The following PHF3 variants were observed in gnomAD, a reference collection of about 807,000 sequenced individuals.
The protein encoded by PHF3 is PHD finger protein 3.
In PHF3, 41 loss-of-function variants were observed where a neutral mutation model predicts 178.4. That is an observed-to-expected ratio of 0.23 (90% CI 0.18 to 0.30). The LOEUF (loss-of-function observed/expected upper bound fraction) is 0.30, where lower values mean the gene tolerates loss of function less well. Ranked by LOEUF, PHF3 falls within the 10% of genes least tolerant of loss-of-function variation. PHF3 has a pLI of 1.00. For synonymous variants in PHF3, 842 were observed against 800.5 expected (o/e 1.05, Z -0.88); for missense variants, 2,346 against 2,398.1 (o/e 0.98, Z 0.45).
At chr6:63,660,285 A>C (rs1220678664) in intron 2 of PHF3, among the ~76,000 whole-genome samples, 2 of 151,970 alleles carry the variant, frequency 1.3e-5, no homozygotes, top group Non-Finnish European at 2.9e-5. Flanking sequence ...GTAGACGTGT[A>C]CTGCAAGCTA....
chr6:63,712,372 G>C lies in PHF3; in HGVS notation c.4784G>C (p.Arg1595Thr), dbSNP rs753440261. 1.2e-6 allele frequency: 2 copies of C among 1,613,812 alleles called. No homozygotes were observed. The highest frequency in any genetic ancestry group is 1.6e-4 in the Middle Eastern group (1 of 6,062). The change falls in exon 16 of 16, where the codon AGA becomes ACA. Residue 1595 changes from arginine (R) to threonine (T), a missense_variant. Around this residue, in one of 8 missense-constraint regions of PHF3, gnomAD observed 839 missense variants for 806.9 expected, o/e 1.04. Transcript: ENST00000262043. The part of the protein sequence containing the change: ...TVESKEKTLK[R>T]QLQEDQENNL... Reference sequence around the variant, plus strand: ...GAGAGTAAAGAGAAAACATTAAAAAGACAGCTTCAGGAAGATCAAGAGAAT... The same window carrying C: ...GAGAGTAAAGAGAAAACATTAAAAACACAGCTTCAGGAAGATCAAGAGAAT...
Position 63,712,840 on chromosome 6 carries a change from T to C in PHF3, c.5252T>C (p.Val1751Ala). ...EDILMQNIET[V>A]HPFRRGSAVA... ...ATTTTAATGCAAAATATTGAAACTGTGCACCCATTTCGAAGAGGATCAGCA... is the reference window on the plus strand; with the variant it reads ...ATTTTAATGCAAAATATTGAAACTGCGCACCCATTTCGAAGAGGATCAGCA... The change falls in exon 16 of 16, where the codon GTG becomes GCG. Residue 1751 changes from valine (V) to alanine (A), a missense_variant. Physicochemically the swap from Val to Ala is moderately conservative, Grantham distance 64 (BLOSUM62 0). This residue lies in a region of PHF3 where 839 missense variants were observed against 806.9 expected (regional missense o/e 1.04). Coordinates refer to ENST00000262043, the MANE Select transcript of PHF3 (RefSeq NM_001370348.2). 6.2e-7 allele frequency: 1 copy of C among 1,614,080 alleles called. No individual in the cohort carries two copies. Among genetic ancestry groups the C allele is most frequent in the African/African-American group, 1.3e-5 (1 of 75,048 alleles).
chr6:63,639,436 G>GTT (rs573560007), intron 1 of PHF3, among the ~76,000 whole-genome samples: 1 of 150,866 alleles, frequency 6.6e-6, no homozygotes, highest in African/African-American at 2.4e-5. Context: ...CTTACATTTT[G>GTT]TTTTTTTTTA....
At chr6:63,679,906 A>G (rs779246050) in intron 2 of PHF3, 94 bp from the exon 3 acceptor site, 27 of 1,008,508 alleles carry the variant, frequency 2.7e-5, no homozygotes, top group Non-Finnish European at 3.5e-5. Context: ...GTAGTGTTAC[A>G]TTAAGACTAT....
Position 63,646,614 on chromosome 6 carries a change from T to A in PHF3, c.63T>A (p.Phe21Leu). ...IPTEHLDDAL[F>L]LGSNLENEVC... ...CTGAACACTTAGATGATGCCCTATT[T>A]CTAGGATCCAACCTGGAGAATGAAG... The change falls in exon 2 of 16, where the codon TTT becomes TTA. Residue 21 changes from phenylalanine (F) to leucine (L), a missense_variant. Phe to Leu is a conservative substitution (Grantham distance 22). Around this residue, in one of 8 missense-constraint regions of PHF3, gnomAD observed 843 missense variants for 795.2 expected, o/e 1.06. Transcript: ENST00000262043. The A allele has an allele frequency of 1.2e-6, 2 of 1,613,852 alleles. 1 individual carries two copies. Among genetic ancestry groups the A allele is most frequent in the South Asian group, 2.2e-5 (2 of 91,082 alleles).
chr6:63,639,436 G>GGT (rs1554145843), intron 1 of PHF3, among the ~76,000 whole-genome samples: 2 of 150,866 alleles, frequency 1.3e-5, no homozygotes, highest in African/African-American at 4.9e-5. Flanking sequence ...CTTACATTTT[G>GGT]TTTTTTTTTA....
chr6:63,686,464 G>T (rs530144566), intron 4 of PHF3: 1 of 152,192 alleles, frequency 6.6e-6, no homozygotes, highest in South Asian at 2.1e-4. Context: ...ACATGAAATA[G>T]AGTGAAAAAC....
intron 3 of PHF3, among the ~76,000 whole-genome samples, chr6:63,683,013 T>A (rs1174926785): frequency 1.3e-5 from 2 of 152,044 alleles, no homozygotes; most frequent in African/African-American, 4.8e-5. Flanking sequence ...TTTAAAAAAA[T>A]TTTATAACTG....
At chr6:63,659,152 A>C (rs1458815984) in intron 2 of PHF3, among the ~76,000 whole-genome samples, 3 of 152,234 alleles carry the variant, frequency 2.0e-5, no homozygotes, top group Non-Finnish European at 4.4e-5. Context: ...ATCTCTCACC[A>C]CAAAAAAGTT....
chr6:63,649,003 A>G (rs1027749389), intron 2 of PHF3, among the ~76,000 whole-genome samples: 8 of 152,244 alleles, frequency 5.3e-5, no homozygotes, highest in South Asian at 2.1e-4. Context: ...ACATTTTCTG[A>G]AAGCAAAATG....
chr6:63,677,319 G>A (rs976884163), intron 2 of PHF3, among the ~76,000 whole-genome samples: 1 of 152,060 alleles, frequency 6.6e-6, no homozygotes, highest in African/African-American at 2.4e-5. Flanking sequence ...GGACTGAACT[G>A]TTGTATCCTT....
intron 2 of PHF3, among the ~76,000 whole-genome samples, chr6:63,647,441 C>T (rs555105197): frequency 6.6e-6 from 1 of 152,084 alleles, no homozygotes; most frequent in East Asian, 1.9e-4. Context: ...ATTTTGAAGA[C>T]TCAGTATGAA....
At chr6:63,640,524 C>T (rs1212164678) in intron 1 of PHF3, among the ~76,000 whole-genome samples, 1 of 152,170 alleles carries the variant, frequency 6.6e-6, no homozygotes, top group Non-Finnish European at 1.5e-5. Flanking sequence ...ATGCCTTGCA[C>T]ACAGTAAATA....
rs569028877 is a variant in PHF3, at chr6:63,709,831, T to C, written c.3801+591T>C. Among the ~76,000 whole-genome samples, 19 of 152,300 alleles carry C rather than the reference T, an allele frequency of 1.2e-4. No homozygotes were observed. The South Asian group carries it at 2.1e-3, about 17-fold the overall frequency. On this transcript the variant is annotated intron_variant, in intron 14 of 15. Transcript: ENST00000262043. ...CCAGCTAAAAGTTAAGGGCTTCTTA[T>C]TAGTAATAGGAGGAAAGGAGAAAAG...
chr6:63,661,809 C>A (rs1264694338), intron 2 of PHF3, among the ~76,000 whole-genome samples: 1 of 152,146 alleles, frequency 6.6e-6, no homozygotes, highest in Admixed American at 6.6e-5. Context: ...TTATTGATCA[C>A]CAGAGCTGGG....
chr6:63,651,893 G>A (rs1020671102), intron 2 of PHF3, among the ~76,000 whole-genome samples: 2 of 152,042 alleles, frequency 1.3e-5, no homozygotes, highest in African/African-American at 4.8e-5. Context: ...CTTTTTTAAT[G>A]GTTAGTTAGT....
At position 63,720,583 on chromosome 6, in the gene PHF3, C is replaced by A. The variant is rs549203667; in HGVS notation, c.*6875C>A. On this transcript the variant is annotated 3_prime_UTR_variant, in exon 16 of 16. Coordinates refer to ENST00000262043, the MANE Select transcript of PHF3 (RefSeq NM_001370348.2). ...ATTTATGTATAGTGTGTACTAAAATCTCTAGTGTTAACTTATGTAACCTCA... is the reference window on the plus strand; with the variant it reads ...ATTTATGTATAGTGTGTACTAAAATATCTAGTGTTAACTTATGTAACCTCA... 1 of 1,446,186 alleles carries A rather than the reference C, an allele frequency of 6.9e-7. No homozygotes were observed. Among genetic ancestry groups the A allele is most frequent in the Admixed American group, 2.7e-5 (1 of 36,976 alleles). 89.6% of individuals were successfully genotyped at this position (1,446,186 alleles called of 1,614,324 possible).
chr6:63,713,735 T>C lies in PHF3; in HGVS notation c.*27T>C. 1 of 1,477,838 alleles carries C rather than the reference T, an allele frequency of 6.8e-7. No individual in the cohort carries two copies. Among genetic ancestry groups the C allele is most frequent in the South Asian group, 1.4e-5 (1 of 72,482 alleles). 91.5% of individuals were successfully genotyped at this position (1,477,838 alleles called of 1,614,324 possible). A position where few individuals can be genotyped will look rare whatever the true frequency, so the allele number is the denominator to read the frequency against. On this transcript the variant is annotated 3_prime_UTR_variant, in exon 16 of 16. Coordinates refer to ENST00000262043, the MANE Select transcript of PHF3 (RefSeq NM_001370348.2). ...ATTTGCAGGCTGCTTCAGGATTACA[T>C]TTAAATAACTGTTAAAATGTTGTAT...
intron 5 of PHF3, among the ~76,000 whole-genome samples, chr6:63,692,516 A>G (rs1469704809): frequency 6.6e-6 from 1 of 152,200 alleles, no homozygotes; most frequent in Non-Finnish European, 1.5e-5. Context: ...ACGGCATTTT[A>G]TCTGATTAAA....
Sources: allele counts gnomAD v4.1 joint callset (sites outside exome capture counted in the v4.1 genomes callset), GRCh38; gene constraint gnomAD v4.1.1; regional missense constraint gnomAD v4.1.1; transcripts MANE v1.5; gene names NCBI Gene and HGNC (gene_info 2026-07-23, HGNC 2026-07-21).